FTO: variants seen among roughly 807,000 people sequenced by gnomAD.
FTO encodes alpha-ketoglutarate-dependent dioxygenase FTO.
In FTO, 47 loss-of-function variants were observed where a neutral mutation model predicts 63.9. That is an observed-to-expected ratio of 0.74 (90% CI 0.58 to 0.94). The LOEUF (loss-of-function observed/expected upper bound fraction) is 0.94, where lower values mean the gene tolerates loss of function less well. Ranked by LOEUF, FTO falls within the 40% of genes least tolerant of loss-of-function variation. The pLI, the probability that FTO is intolerant of heterozygous loss-of-function variation, is 0.00. For synonymous variants in FTO, 207 were observed against 224.4 expected, an observed-to-expected ratio of 0.92 and a Z score of 0.69; for missense variants, 562 against 618.1, an observed-to-expected ratio of 0.91 and a Z score of 0.96.
intron 8 of FTO, among the ~76,000 whole-genome samples, chr16:54,016,034 C>T (rs1490983582): frequency 6.6e-6 from 1 of 152,184 alleles, no homozygotes; most frequent in Non-Finnish European, 1.5e-5. Context: ...TTATTTTACA[C>T]ACATTCATGT....
intron 2 of FTO, among the ~76,000 whole-genome samples, chr16:53,818,325 CA>C (rs2078758080): frequency 6.6e-6 from 1 of 151,898 alleles, no homozygotes; most frequent in Non-Finnish European, 1.5e-5. Context: ...CAAAATTAGC[CA>C]GTTATTATTA....
chr16:54,094,867 C>A (rs554370702), intron 8 of FTO, among the ~76,000 whole-genome samples: 16 of 152,272 alleles, frequency 1.1e-4, no homozygotes, highest in African/African-American at 3.6e-4. Flanking sequence ...AGGCTTTCTG[C>A]GGAGCACCGT....
At chr16:53,751,285 C>T (rs974320767) in intron 1 of FTO, among the ~76,000 whole-genome samples, 2 of 151,998 alleles carry the variant, frequency 1.3e-5, no homozygotes, top group South Asian at 2.1e-4. Flanking sequence ...GGTGAAACCC[C>T]GTCTCTACTA....
chr16:53,807,584 T>C (rs1184678527), intron 1 of FTO, among the ~76,000 whole-genome samples: 1 of 152,200 alleles, frequency 6.6e-6, no homozygotes, highest in Admixed American at 6.5e-5. Context: ...TGCTCCTCTT[T>C]ATATGTAGAT....
At chr16:53,755,290 C>T (rs2076895815) in intron 1 of FTO, among the ~76,000 whole-genome samples, 1 of 152,156 alleles carries the variant, frequency 6.6e-6, no homozygotes, top group South Asian at 2.1e-4. Context: ...GGCGATTGGG[C>T]TGCAGGGCTG....
intron 8 of FTO, among the ~76,000 whole-genome samples, chr16:54,085,001 G>A (rs115434499): frequency 0.011 from 1,682 of 152,228 alleles, 36 homozygotes; most frequent in African/African-American, 0.038. Context: ...GAAGTCAAAG[G>A]TCCAAGGTAA....
At chr16:53,896,316 GTT>G (rs75387322) in intron 7 of FTO, among the ~76,000 whole-genome samples, 4 of 142,022 alleles carry the variant, frequency 2.8e-5, no homozygotes, top group Admixed American at 7.1e-5. Context: ...TTCATCTAGG[GTT>G]TTTTTTTTTT....
chr16:53,772,963 T>C (rs2077373844), intron 1 of FTO, among the ~76,000 whole-genome samples: 1 of 152,118 alleles, frequency 6.6e-6, no homozygotes, highest in Non-Finnish European at 1.5e-5. Context: ...ACCTGTCTGC[T>C]CTCTCCTTTT....
intron 7 of FTO, among the ~76,000 whole-genome samples, chr16:53,898,890 G>C (rs1305264014): frequency 6.6e-6 from 1 of 152,154 alleles, no homozygotes; most frequent in Non-Finnish European, 1.5e-5. Context: ...GACCAGGCTG[G>C]TCTTGAACTC....
At chr16:54,013,407 A>G in intron 8 of FTO, 1 of 151,972 alleles carries the variant, frequency 6.6e-6, no homozygotes, top group South Asian at 2.1e-4. Flanking sequence ...TACTGTGAAC[A>G]ATGTTGGAAT....
At chr16:53,865,426 C>T (rs2080281274) in intron 4 of FTO, among the ~76,000 whole-genome samples, 1 of 152,160 alleles carries the variant, frequency 6.6e-6, no homozygotes, top group Non-Finnish European at 1.5e-5. Context: ...GGATTTAAAA[C>T]TCCAAATGTA....
chr16:53,899,652 A>T (rs1286349845), intron 7 of FTO, among the ~76,000 whole-genome samples: 3 of 152,230 alleles, frequency 2.0e-5, no homozygotes, highest in Non-Finnish European at 4.4e-5. Context: ...AAGGATGTTC[A>T]GATGACCAGT....
intron 8 of FTO, among the ~76,000 whole-genome samples, chr16:54,056,911 G>T (rs2085449471): frequency 6.6e-6 from 1 of 152,204 alleles, no homozygotes; most frequent in Non-Finnish European, 1.5e-5. Context: ...ATTACCACAT[G>T]TATCGATTCA....
chr16:53,994,582 C>G (rs754453733), intron 8 of FTO: 22 of 152,120 alleles, frequency 1.4e-4, no homozygotes, highest in Non-Finnish European at 2.1e-4. Context: ...AGGCTGGTCT[C>G]AAATTCCTAG....
At chr16:53,850,335 A>AT (rs763957071) in intron 4 of FTO, among the ~76,000 whole-genome samples, 264 of 147,074 alleles carry the variant, frequency 1.8e-3, no homozygotes, top group Middle Eastern at 0.01. Flanking sequence ...TCTTGTGTTC[A>AT]ATTTTTTTTT....
Position 53,826,567 on chromosome 16 carries a change from ACG to A in FTO, c.751+78_751+79del, listed in dbSNP as rs1053001666. ...AGTTGTTTAGGCTCTGGAGATACACACGCATATACATGAACATGTTTGCATGT... is the reference window on the plus strand; with the variant it reads ...AGTTGTTTAGGCTCTGGAGATACACACATATACATGAACATGTTTGCATGT... On this transcript the variant is annotated intron_variant, in intron 3 of 8. Transcript: ENST00000471389. The A allele has an allele frequency of 2.8e-5, 39 of 1,387,848 alleles. No homozygotes were observed. The African/African-American group carries it at 5.4e-4, about 19-fold the overall frequency. 86.0% of individuals were successfully genotyped at this position (1,387,848 alleles called of 1,614,324 possible).
At chr16:54,011,145 A>T (rs1405751070) in intron 8 of FTO, among the ~76,000 whole-genome samples, 1 of 152,226 alleles carries the variant, frequency 6.6e-6, no homozygotes, top group Non-Finnish European at 1.5e-5. Context: ...CAATGGAATT[A>T]TCACCATTGC....
At chr16:53,774,857 A>G (rs1343546239) in intron 1 of FTO, among the ~76,000 whole-genome samples, 4 of 152,140 alleles carry the variant, frequency 2.6e-5, no homozygotes, top group African/African-American at 7.2e-5. Flanking sequence ...TGTAGTTGGG[A>G]TCAGGAAGGT....
chr16:53,749,897 A>T (rs1475382869), intron 1 of FTO, among the ~76,000 whole-genome samples: 1 of 152,176 alleles, frequency 6.6e-6, no homozygotes, highest in Non-Finnish European at 1.5e-5. Flanking sequence ...ATCTAATGAG[A>T]TGACCATCTG....
Sources: gnomAD v4.1 joint callset for allele counts (sites outside exome capture counted in the v4.1 genomes callset) on GRCh38, gnomAD v4.1.1 for gene constraint, MANE v1.5 for transcripts, NCBI Gene and HGNC (gene_info 2026-07-23, HGNC 2026-07-21) for gene names.